The following RAPGEF6 variants were observed in gnomAD, a reference collection of about 807,000 sequenced individuals.
RAPGEF6 encodes Rap guanine nucleotide exchange factor 6.
RAPGEF6 carries 56 observed loss-of-function variants against 171.4 expected under a neutral mutation model. The ratio of observed to expected loss-of-function variants is 0.33; its 90% CI spans 0.26 to 0.41. The LOEUF (loss-of-function observed/expected upper bound fraction) is 0.41, where lower values mean the gene tolerates loss of function less well. Among genes scored for constraint, RAPGEF6 ranks in the 10% least tolerant of loss-of-function variants. The probability of loss-of-function intolerance (pLI) is 1.00; values close to 1 mark genes in which losing one functional copy is unlikely to be tolerated. For missense variants in RAPGEF6, 1,674 were observed against 1,921.4 expected, an observed-to-expected ratio of 0.87 and a Z score of 2.41; for synonymous variants, 692 against 650.1, an observed-to-expected ratio of 1.06 and a Z score of -0.98.
chr5:131,538,709 T>G (rs1255099893), intron 6 of RAPGEF6, among the ~76,000 whole-genome samples: 3 of 152,212 alleles, frequency 2.0e-5, no homozygotes, highest in African/African-American at 7.2e-5. Context: ...TCTCCAGTTT[T>G]GAGGATGACA....
chr5:131,437,902 T>C (rs1286650362), intron 24 of RAPGEF6, among the ~76,000 whole-genome samples: 1 of 152,100 alleles, frequency 6.6e-6, no homozygotes, highest in Non-Finnish European at 1.5e-5. Flanking sequence ...TTAAACCACA[T>C]AAGAGGCTGT....
intron 6 of RAPGEF6, among the ~76,000 whole-genome samples, chr5:131,530,560 A>G (rs1759304420): frequency 6.6e-6 from 1 of 152,222 alleles, no homozygotes; most frequent in Non-Finnish European, 1.5e-5. Flanking sequence ...TTATGTGTTT[A>G]ATTGCAATCC....
rs549564861 is a variant in RAPGEF6, at chr5:131,442,373, C to T, written c.3586G>A (p.Gly1196Arg). 1 of 1,613,820 alleles carries T rather than the reference C, an allele frequency of 6.2e-7. No individual in the cohort carries two copies. The highest frequency in any genetic ancestry group is 1.1e-5 in the South Asian group (1 of 91,042). Reference sequence around the variant, plus strand: ...CTCAGTGCAGGGTCTTTTGTTTGTCCCTTCTTCCTGATGGGGTGCAAATTA... The same window carrying T: ...CTCAGTGCAGGGTCTTTTGTTTGTCTCTTCTTCCTGATGGGGTGCAAATTA... ...AVNLHPIRKKGQTKDPALNTS... is the reference protein window; with the variant it reads ...AVNLHPIRKKRQTKDPALNTS... Residue 1196 changes from glycine (G) to arginine (R), a missense_variant, in exon 23 of 28, where the codon GGA becomes AGA. Physicochemically the swap from Gly to Arg is moderately radical, Grantham distance 125 (BLOSUM62 -2). Transcript: ENST00000509018.
At chr5:131,512,137 A>G (rs546184340) in intron 7 of RAPGEF6, among the ~76,000 whole-genome samples, 94 of 152,178 alleles carry the variant, frequency 6.2e-4, no homozygotes, top group Non-Finnish European at 9.4e-4. Flanking sequence ...ACAGAAACAG[A>G]GCATGCAGGG....
intron 14 of RAPGEF6, 59 bp from the exon 15 acceptor site, chr5:131,489,713 C>T: frequency 8.8e-6 from 8 of 907,038 alleles, no homozygotes; most frequent in Non-Finnish European, 1.1e-5. Context: ...CTCCTACAAC[C>T]TTAAAAGTTT....
At chr5:131,588,567 AC>A (rs1201906790) in intron 4 of RAPGEF6, among the ~76,000 whole-genome samples, 3 of 146,500 alleles carry the variant, frequency 2.0e-5, no homozygotes, top group Admixed American at 2.0e-4. Context: ...ACATGGTGAA[AC>A]CTCATCTCTA....
intron 5 of RAPGEF6, among the ~76,000 whole-genome samples, chr5:131,551,410 G>A (rs1298306766): frequency 1.3e-5 from 2 of 151,908 alleles, no homozygotes; most frequent in Non-Finnish European, 2.9e-5. Context: ...TACTCGGGAG[G>A]CTGAGGCAGA....
rs557295703 is a variant in RAPGEF6 at position 131,563,961 on chromosome 5, CAG to C, written c.282-1916_282-1915del. On this transcript the variant is annotated intron_variant, in intron 4 of 27. Coordinates refer to ENST00000509018, the MANE Select transcript of RAPGEF6 (RefSeq NM_016340.6). The stretch of plus-strand genomic sequence containing the variant: ...TTACTCTCCCACCTGAGGACAAAAA[CAG>C]AAAACAAAACAAAATATATAAAACA... 3.0e-4 allele frequency among the ~76,000 whole-genome samples: 45 copies of C among 152,178 alleles called. No homozygotes were observed. The South Asian group carries it at 9.1e-3, about 31-fold the overall frequency.
At chr5:131,595,140 G>A (rs1763817583) in intron 3 of RAPGEF6, among the ~76,000 whole-genome samples, 1 of 152,152 alleles carries the variant, frequency 6.6e-6, no homozygotes, top group Non-Finnish European at 1.5e-5. Flanking sequence ...ATGTTGAATT[G>A]TAATCCTCAT....
intron 6 of RAPGEF6, chr5:131,532,013 A>G (rs1194096425): frequency 3.0e-6 from 1 of 335,958 alleles, no homozygotes; most frequent in African/African-American, 2.2e-5. Flanking sequence ...TAAAGTTTAG[A>G]AAAGAGCGCA....
intron 11 of RAPGEF6, among the ~76,000 whole-genome samples, chr5:131,501,978 C>G (rs1330917258): frequency 6.6e-6 from 1 of 152,136 alleles, no homozygotes; most frequent in African/African-American, 2.4e-5. Context: ...TCAGGGTCTT[C>G]TTGAGAAATG....
intron 24 of RAPGEF6, chr5:131,436,481 T>C: frequency 9.2e-7 from 1 of 1,090,350 alleles, no homozygotes; most frequent in Non-Finnish European, 1.3e-6. Context: ...TGATAATATC[T>C]GAAAAATTGA....
chr5:131,575,911 C>G (rs2149985134), intron 4 of RAPGEF6, among the ~76,000 whole-genome samples: 1 of 152,264 alleles, frequency 6.6e-6, no homozygotes, highest in East Asian at 1.9e-4. Context: ...TTCAATACTT[C>G]TAGAGGCCCT....
intron 15 of RAPGEF6, among the ~76,000 whole-genome samples, chr5:131,480,242 C>A (rs1254415703): frequency 6.6e-6 from 1 of 151,994 alleles, no homozygotes; most frequent in Non-Finnish European, 1.5e-5. Flanking sequence ...TCTTGGGATG[C>A]AAAAACCTGC....
chr5:131,592,504 C>T, intron 3 of RAPGEF6, 38 bp from the exon 4 acceptor site: 2 of 1,596,482 alleles, frequency 1.3e-6, no homozygotes, highest in Non-Finnish European at 1.7e-6. Flanking sequence ...AGCAAAACAA[C>T]ACACATGTTC....
intron 13 of RAPGEF6, among the ~76,000 whole-genome samples, chr5:131,493,104 G>A (rs778884464): frequency 2.6e-5 from 4 of 151,718 alleles, no homozygotes; most frequent in Non-Finnish European, 5.9e-5. Context: ...TCGCTCTGTC[G>A]CCCAGGCTGG....
At chr5:131,567,700 A>G (rs747885499) in intron 4 of RAPGEF6, among the ~76,000 whole-genome samples, 56 of 152,178 alleles carry the variant, frequency 3.7e-4, no homozygotes, top group Non-Finnish European at 6.6e-4. Context: ...ATCTTGAAAA[A>G]AAAGATTATA....
chr5:131,438,065 T>G (rs962768078), intron 24 of RAPGEF6, among the ~76,000 whole-genome samples: 1 of 152,200 alleles, frequency 6.6e-6, no homozygotes, highest in African/African-American at 2.4e-5. Flanking sequence ...CTTGGCTCAC[T>G]GCAACCTCCG....
intron 6 of RAPGEF6, among the ~76,000 whole-genome samples, chr5:131,526,649 C>A (rs1042641505): frequency 1.3e-5 from 2 of 152,304 alleles, no homozygotes; most frequent in East Asian, 3.9e-4. Context: ...AGCTTACCTG[C>A]CCTTTCTCTT....
Sources: allele counts gnomAD v4.1 joint callset (sites outside exome capture counted in the v4.1 genomes callset), GRCh38; gene constraint gnomAD v4.1.1; transcripts MANE v1.5; gene names NCBI Gene and HGNC (gene_info 2026-07-23, HGNC 2026-07-21).